GPC5: variants seen among roughly 807,000 people sequenced by gnomAD.
The protein encoded by GPC5 is glypican 5.
A neutral mutation model predicts 53.9 loss-of-function variants in GPC5; 47 were observed. That is an observed-to-expected ratio of 0.87 (90% CI 0.69 to 1.11). GPC5 has a LOEUF of 1.11. Ranked by LOEUF, GPC5 falls within the 50% of genes most tolerant of loss-of-function variation. GPC5 has a pLI of 0.00. For missense variants in GPC5, 748 were observed against 713.1 expected, an observed-to-expected ratio of 1.05 and a Z score of -0.56; for synonymous variants, 286 against 263.3, an observed-to-expected ratio of 1.09 and a Z score of -0.84.
At chr13:91,942,232 G>T (rs2039934031) in intron 6 of GPC5, among the ~76,000 whole-genome samples, 1 of 151,762 alleles carries the variant, frequency 6.6e-6, no homozygotes, top group African/African-American at 2.4e-5. Flanking sequence ...GACTAAAAAA[G>T]GTACCATTTT....
chr13:91,555,158 T>C (rs1168389844), intron 2 of GPC5, among the ~76,000 whole-genome samples: 3 of 152,034 alleles, frequency 2.0e-5, no homozygotes, highest in Non-Finnish European at 4.4e-5. Context: ...AGTGGTAACA[T>C]TTTACCAACT....
rs544527226 is a variant in GPC5 at position 92,246,857 on chromosome 13, A to T, written c.1561+101868A>T. Among the ~76,000 whole-genome samples the T allele has an allele frequency of 2.6e-5, 4 of 152,300 alleles. No homozygotes were observed. The Middle Eastern group carries it at 0.01, about 389-fold the overall frequency. ...ACACTAATTTTTAAATTAGTTAATT[A>T]TAAGAGATTGAGTACACTAACTTGA... On this transcript the variant is annotated intron_variant, in intron 7 of 7. Transcript: ENST00000377067.
chr13:91,411,407 T>C (rs1172290133), intron 1 of GPC5, among the ~76,000 whole-genome samples: 4 of 152,204 alleles, frequency 2.6e-5, no homozygotes, highest in Non-Finnish European at 5.9e-5. Context: ...TGGAGTGTGC[T>C]GGCAAATCTC....
chr13:92,412,494 T>C (rs1194842252), intron 7 of GPC5, among the ~76,000 whole-genome samples: 1 of 152,180 alleles, frequency 6.6e-6, no homozygotes, highest in African/African-American at 2.4e-5. Context: ...TGAGCCAAGA[T>C]TTATTTTATT....
chr13:91,625,527 G>A lies in GPC5; in HGVS notation c.326-67660G>A, dbSNP rs115971780. Among the ~76,000 whole-genome samples the A allele has an allele frequency of 2.6e-3, 398 of 152,084 alleles. 3 individuals are homozygous for A. The highest frequency in any genetic ancestry group is 9.1e-3 in the African/African-American group (376 of 41,526). ...TGCGGAAAAAGTGTTTGAGTAGAGA[G>A]AGTGGAAGAAGGGAGATGGGTAGAG... On this transcript the variant is annotated intron_variant, in intron 2 of 7. Transcript: ENST00000377067.
intron 2 of GPC5, among the ~76,000 whole-genome samples, chr13:91,659,844 A>G (rs910566720): frequency 6.6e-6 from 1 of 152,130 alleles, no homozygotes; most frequent in African/African-American, 2.4e-5. Flanking sequence ...CTCAGTTCTG[A>G]GAGAAGCTGT....
chr13:92,753,661 G>T (rs1874699533), intron 7 of GPC5, among the ~76,000 whole-genome samples: 1 of 152,076 alleles, frequency 6.6e-6, no homozygotes, highest in Admixed American at 6.6e-5. Flanking sequence ...GAAAACCAAG[G>T]CTCGAGAACT....
At chr13:92,594,230 T>TGAA (rs902958904) in intron 7 of GPC5, among the ~76,000 whole-genome samples, 2 of 152,086 alleles carry the variant, frequency 1.3e-5, no homozygotes, top group African/African-American at 4.8e-5. Context: ...CAGGGTTGAT[T>TGAA]GAAGGTATTT....
At chr13:92,262,307 G>A (rs948459852) in intron 7 of GPC5, among the ~76,000 whole-genome samples, 1 of 152,100 alleles carries the variant, frequency 6.6e-6, no homozygotes, top group Non-Finnish European at 1.5e-5. Flanking sequence ...GGGCATTCGT[G>A]TTTTACTTTT....
At chr13:91,819,412 G>C (rs1379399159) in intron 5 of GPC5, among the ~76,000 whole-genome samples, 1 of 151,908 alleles carries the variant, frequency 6.6e-6, no homozygotes, top group African/African-American at 2.4e-5. Flanking sequence ...GTCTGCCTCA[G>C]CCTCCCAAAG....
chr13:91,971,991 G>T (rs1464202047), intron 6 of GPC5, among the ~76,000 whole-genome samples: 2 of 152,136 alleles, frequency 1.3e-5, no homozygotes, highest in African/African-American at 4.8e-5. Context: ...TCTGCTTGGT[G>T]CAGAGCTGAG....
intron 7 of GPC5, among the ~76,000 whole-genome samples, chr13:92,595,011 T>C (rs185043385): frequency 2.6e-5 from 4 of 152,352 alleles, no homozygotes; most frequent in Non-Finnish European, 5.9e-5. Context: ...AACACATGCT[T>C]CTAGGTGTTT....
intron 7 of GPC5, among the ~76,000 whole-genome samples, chr13:92,597,962 T>A (rs1363128338): frequency 6.6e-6 from 1 of 152,210 alleles, no homozygotes; most frequent in Non-Finnish European, 1.5e-5. Flanking sequence ...CTGAAATGAA[T>A]GAATATCAAG....
intron 7 of GPC5, among the ~76,000 whole-genome samples, chr13:92,427,904 T>G (rs894756279): frequency 1.5e-4 from 23 of 152,298 alleles, no homozygotes; most frequent in African/African-American, 4.8e-4. Flanking sequence ...AATATATTTG[T>G]ATTGTTTTAG....
At chr13:92,234,100 A>G (rs2042551690) in intron 7 of GPC5, among the ~76,000 whole-genome samples, 1 of 152,190 alleles carries the variant, frequency 6.6e-6, no homozygotes, top group Admixed American at 6.5e-5. Context: ...GCTATTGTGA[A>G]TAGTGCTGCA....
At chr13:92,533,617 G>A (rs932718592) in intron 7 of GPC5, among the ~76,000 whole-genome samples, 1 of 151,956 alleles carries the variant, frequency 6.6e-6, no homozygotes, top group African/African-American at 2.4e-5. Context: ...ACACATACTC[G>A]GCAGAAACTC....
At chr13:92,384,718 C>G (rs2043778201) in intron 7 of GPC5, among the ~76,000 whole-genome samples, 1 of 152,094 alleles carries the variant, frequency 6.6e-6, no homozygotes, top group African/African-American at 2.4e-5. Context: ...AAATGAATAG[C>G]AGCAGGAAGT....
At chr13:91,959,675 C>T (rs2040108700) in intron 6 of GPC5, among the ~76,000 whole-genome samples, 1 of 151,960 alleles carries the variant, frequency 6.6e-6, no homozygotes, top group South Asian at 2.1e-4. Context: ...TTCCATAGCA[C>T]ATCAAAAGGA....
chr13:92,781,504 T>G (rs1173868940), intron 7 of GPC5, among the ~76,000 whole-genome samples: 1 of 152,186 alleles, frequency 6.6e-6, no homozygotes, highest in African/African-American at 2.4e-5. Flanking sequence ...CAGGTTTGTT[T>G]AGTAGATCTC....
Sources: gnomAD v4.1 joint callset for allele counts (sites outside exome capture counted in the v4.1 genomes callset) on GRCh38, gnomAD v4.1.1 for gene constraint, MANE v1.5 for transcripts, NCBI Gene and HGNC (gene_info 2026-07-23, HGNC 2026-07-21) for gene names.